WDPCP: variants seen among roughly 807,000 people sequenced by gnomAD.
The protein encoded by WDPCP is WD repeat containing planar cell polarity effector.
Under a neutral mutation model 93.1 loss-of-function variants are expected in WDPCP, and 71 were observed. The observed-to-expected ratio is 0.76, with a 90% CI of 0.63 to 0.93. WDPCP has a LOEUF of 0.93. Among genes scored for constraint, WDPCP ranks in the 40% least tolerant of loss-of-function variants. The pLI is 0.00. For missense variants in WDPCP, 844 were observed against 887.4 expected (o/e 0.95, Z 0.62); for synonymous variants, 315 against 315.0 (o/e 1.00, Z 0.00).
intron 12 of WDPCP, among the ~76,000 whole-genome samples, chr2:63,330,715 TTTTATG>T (rs1186305970): frequency 1.3e-5 from 2 of 152,166 alleles, no homozygotes; most frequent in African/African-American, 2.4e-5. Context: ...AGTTTCACAG[TTTTATG>T]TTTAAGTCTT....
chr2:63,651,418 T>C (rs1710107951), intron 2 of WDPCP, among the ~76,000 whole-genome samples: 1 of 151,546 alleles, frequency 6.6e-6, no homozygotes, highest in Non-Finnish European at 1.5e-5. Flanking sequence ...AATTAGGGTT[T>C]TCCAGAGAAA....
At chr2:63,825,696 C>G (rs1671103943) in intron 1 of WDPCP, among the ~76,000 whole-genome samples, 1 of 151,994 alleles carries the variant, frequency 6.6e-6, no homozygotes, top group Admixed American at 6.6e-5. Flanking sequence ...CAAAAGTGAA[C>G]TTTAATCATG....
intron 9 of WDPCP, among the ~76,000 whole-genome samples, chr2:63,423,446 A>G (rs1209019158): frequency 1.4e-4 from 22 of 152,108 alleles, no homozygotes; most frequent in Non-Finnish European, 1.5e-5. Context: ...TCCCTGGAAA[A>G]TTAGTTTTTT....
intron 13 of WDPCP, among the ~76,000 whole-genome samples, chr2:63,286,432 G>C (rs887197298): frequency 1.3e-5 from 2 of 152,144 alleles, no homozygotes; most frequent in African/African-American, 4.8e-5. Context: ...ACTTAAGAAG[G>C]TTCTTTGTAA....
intron 3 of WDPCP, among the ~76,000 whole-genome samples, chr2:63,621,413 G>T (rs1470831678): frequency 6.6e-6 from 1 of 151,880 alleles, no homozygotes; most frequent in Non-Finnish European, 1.5e-5. Flanking sequence ...TCAAGCAGAA[G>T]AAAGGATATC....
At chr2:63,195,757 AC>A (rs759594702) in intron 14 of WDPCP, among the ~76,000 whole-genome samples, 6 of 152,230 alleles carry the variant, frequency 3.9e-5, no homozygotes, top group Non-Finnish European at 8.8e-5. Flanking sequence ...ATTCAAAAAA[AC>A]ATGTAGATAC....
intron 15 of WDPCP, 25 bp from the exon 16 acceptor site, chr2:63,153,599 T>G: frequency 3.2e-6 from 5 of 1,572,842 alleles, no homozygotes; most frequent in Non-Finnish European, 4.3e-6. Context: ...TGTTTTTAAT[T>G]GGAAAAAGGA....
intron 13 of WDPCP, among the ~76,000 whole-genome samples, chr2:63,286,586 C>T (rs1034769655): frequency 1.3e-5 from 2 of 152,186 alleles, no homozygotes; most frequent in African/African-American, 4.8e-5. Flanking sequence ...GGACTCAGCC[C>T]GCCTGCACCC....
intron 14 of WDPCP, among the ~76,000 whole-genome samples, chr2:63,238,723 T>C (rs1431083546): frequency 6.6e-6 from 1 of 152,278 alleles, no homozygotes; most frequent in East Asian, 1.9e-4. Flanking sequence ...GAAGTTGGAA[T>C]AGTATATGTG....
chr2:63,160,060 A>C (rs1039120714), intron 15 of WDPCP, among the ~76,000 whole-genome samples: 5 of 152,186 alleles, frequency 3.3e-5, no homozygotes, highest in Non-Finnish European at 7.3e-5. Context: ...CCATAGGTTC[A>C]GAGGCACCTT....
intron 12 of WDPCP, chr2:63,360,149 G>GA (rs1384452215): frequency 6.6e-6 from 1 of 152,150 alleles, no homozygotes; most frequent in African/African-American, 2.4e-5. Context: ...ATATATGTGT[G>GA]AAAAAGAAGT....
chr2:63,820,669 G>A (rs137942230), intron 1 of WDPCP, among the ~76,000 whole-genome samples: 70 of 152,072 alleles, frequency 4.6e-4, no homozygotes, highest in African/African-American at 1.7e-3. Flanking sequence ...AAATATTTCC[G>A]CATTTTGGTC....
chr2:63,144,259 TTTTTATTTTA>T (rs58606765), intron 17 of WDPCP, among the ~76,000 whole-genome samples: 22,119 of 147,860 alleles, frequency 0.15, 2,017 homozygotes, highest in Middle Eastern at 0.22. Context: ...GCATTTACCC[TTTTTATTTTA>T]TTTTATTTTA....
At chr2:63,728,218 A>T (rs1669516921) in intron 2 of WDPCP, among the ~76,000 whole-genome samples, 1 of 152,202 alleles carries the variant, frequency 6.6e-6, no homozygotes, top group Admixed American at 6.5e-5. Context: ...ATTTTTTGGA[A>T]ACTAGCAGGA....
chr2:63,292,218 GCT>G, intron 13 of WDPCP, among the ~76,000 whole-genome samples: 1 of 151,816 alleles, frequency 6.6e-6, no homozygotes, highest in East Asian at 1.9e-4. Context: ...TTGAAAGTTG[GCT>G]CTTTTAGTCT....
At chr2:63,142,923 TACACAC>T (rs1242494155) in intron 17 of WDPCP, among the ~76,000 whole-genome samples, 3 of 105,758 alleles carry the variant, frequency 2.8e-5, no homozygotes, top group Non-Finnish European at 4.0e-5. Flanking sequence ...CACATACATA[TACACAC>T]ACACACACAC....
chr2:63,685,518 G>A (rs1436757816), intron 2 of WDPCP, among the ~76,000 whole-genome samples: 7 of 152,108 alleles, frequency 4.6e-5, no homozygotes, highest in South Asian at 2.1e-4. Flanking sequence ...TGAATTCTAC[G>A]AAACATTTAA....
chr2:63,143,071 C>G (rs1439249118), intron 17 of WDPCP, among the ~76,000 whole-genome samples: 1 of 152,042 alleles, frequency 6.6e-6, no homozygotes, highest in African/African-American at 2.4e-5. Context: ...CTGCCCCAGC[C>G]TCGTGGAGTA....
At chr2:63,583,690 A>T (rs544657507) in intron 1 of WDPCP, among the ~76,000 whole-genome samples, 1 of 152,230 alleles carries the variant, frequency 6.6e-6, no homozygotes, top group Admixed American at 6.5e-5. Context: ...AAAAAAAAAA[A>T]AAAGAAAGAA....
Sources: allele counts gnomAD v4.1 joint callset (sites outside exome capture counted in the v4.1 genomes callset), GRCh38; gene constraint gnomAD v4.1.1; transcripts MANE v1.5; gene names NCBI Gene and HGNC (gene_info 2026-07-23, HGNC 2026-07-21).